MAPK10: variants seen among roughly 807,000 people sequenced by gnomAD.
The protein encoded by MAPK10 is JNK3 alpha protein kinase.
MAPK10 carries 25 observed loss-of-function variants against 59.3 expected under a neutral mutation model. The ratio of observed to expected loss-of-function variants is 0.42; its 90% CI spans 0.31 to 0.59. The LOEUF (loss-of-function observed/expected upper bound fraction) is 0.59. MAPK10 is among the 20% of genes least tolerant of loss of function. The pLI, the probability that MAPK10 is intolerant of heterozygous loss-of-function variation, is 0.15. For missense variants in MAPK10, 351 were observed against 568.9 expected (o/e 0.62, Z 3.90); for synonymous variants, 190 against 200.5 (o/e 0.95, Z 0.44).
chr4:86,413,939 T>A (rs1426941136), intron 1 of MAPK10, among the ~76,000 whole-genome samples: 2 of 152,152 alleles, frequency 1.3e-5, no homozygotes, highest in African/African-American at 4.8e-5. Flanking sequence ...GTCCAACCAG[T>A]CCCAGTGAGA....
intron 1 of MAPK10, among the ~76,000 whole-genome samples, chr4:86,478,994 G>A (rs1753352467): frequency 2.6e-5 from 4 of 152,104 alleles, no homozygotes; most frequent in Admixed American, 2.6e-4. Flanking sequence ...TCAGGGATTT[G>A]CCCCTGCCCA....
At chr4:86,474,964 T>C (rs946548486) in intron 1 of MAPK10, among the ~76,000 whole-genome samples, 1 of 152,182 alleles carries the variant, frequency 6.6e-6, no homozygotes. Context: ...GACATTACCT[T>C]GTGAAATTCC....
At chr4:86,162,902 C>G (rs1365287285) in intron 3 of MAPK10, among the ~76,000 whole-genome samples, 1 of 152,074 alleles carries the variant, frequency 6.6e-6, no homozygotes, top group East Asian at 1.9e-4. Context: ...AGAAACAGGG[C>G]TTGATAAAAT....
intron 3 of MAPK10, among the ~76,000 whole-genome samples, chr4:86,164,264 A>G (rs1400001361): frequency 6.6e-6 from 1 of 152,168 alleles, no homozygotes; most frequent in Admixed American, 6.6e-5. Flanking sequence ...GGTAAAAGAT[A>G]GAGAAACAAT....
chr4:86,064,341 T>G lies in MAPK10; in HGVS notation c.1035A>C (p.Ala345=). ...AGGCGTCGTCCACTGATATTCTTTT[T>G]GCTGGGTCAATCACTAGCATCTTTG... is the stretch of plus-strand genomic sequence containing the variant. ...LLSKMLVIDP[A]KRISVDDALQ... is the part of the protein sequence containing the mutation. The change falls in exon 11 of 14, where the codon GCA becomes GCC. Residue 345 remains alanine, a synonymous_variant. Coordinates refer to ENST00000641462, the MANE Select transcript of MAPK10 (RefSeq NM_138982.4). The G allele has an allele frequency of 6.2e-7, 1 of 1,614,196 alleles. No individual in the cohort carries two copies.
chr4:86,135,052 C>CTGAT (rs1420644153), intron 4 of MAPK10, among the ~76,000 whole-genome samples: 7 of 152,190 alleles, frequency 4.6e-5, no homozygotes, highest in African/African-American at 1.7e-4. Flanking sequence ...AGGAGTCTTG[C>CTGAT]TGATTCCTAG....
At chr4:86,472,395 C>G (rs1424256494) in intron 1 of MAPK10, among the ~76,000 whole-genome samples, 3 of 151,946 alleles carry the variant, frequency 2.0e-5, no homozygotes, top group African/African-American at 7.3e-5. Flanking sequence ...TGGATTCACA[C>G]AATAAGGTTT....
chr4:86,028,567 C>T (rs1270446336), intron 13 of MAPK10: 1 of 152,104 alleles, frequency 6.6e-6, no homozygotes, highest in Admixed American at 6.6e-5. Flanking sequence ...AATAAACCAT[C>T]ACATTTTCTA....
intron 1 of MAPK10, among the ~76,000 whole-genome samples, chr4:86,372,556 G>GGA (rs1429830600): frequency 7.2e-4 from 8 of 11,182 alleles, no homozygotes; most frequent in Non-Finnish European, 1.3e-3. Flanking sequence ...AAGAAAGAAA[G>GGA]AAAGAAAGAA....
chr4:86,342,677 G>T (rs981805319), intron 2 of MAPK10, among the ~76,000 whole-genome samples: 1 of 152,190 alleles, frequency 6.6e-6, no homozygotes, highest in African/African-American at 2.4e-5. Flanking sequence ...AGCCTAGAAT[G>T]AAATCATAAA....
At chr4:86,155,010 A>G (rs1248602647) in intron 4 of MAPK10, among the ~76,000 whole-genome samples, 1 of 152,120 alleles carries the variant, frequency 6.6e-6, no homozygotes, top group Non-Finnish European at 1.5e-5. Context: ...CCCTTTAGGG[A>G]AGATGTTCCC....
Position 86,322,433 on chromosome 4 carries a change from A to T in MAPK10, c.-7+32097T>A, listed in dbSNP as rs538449077. ...AGGAGATGTGCAGTTACGAACGTCT[A>T]ACATAAATTAATTGGTGAGGAGGAA... On this transcript the variant is annotated intron_variant, in intron 2 of 13. Coordinates refer to ENST00000641462, the MANE Select transcript of MAPK10 (RefSeq NM_138982.4). Among the ~76,000 whole-genome samples the T allele has an allele frequency of 5.9e-4, 90 of 152,338 alleles. 3 individuals are homozygous for T. In the South Asian group the frequency reaches 0.018, roughly 31 times the overall value.
At chr4:86,110,422 C>A (rs2057294554) in intron 4 of MAPK10, among the ~76,000 whole-genome samples, 1 of 152,042 alleles carries the variant, frequency 6.6e-6, no homozygotes, top group Admixed American at 6.6e-5. Context: ...AGGAAGAGGT[C>A]CAGTTTCAAT....
chr4:86,558,084 A>G (rs912969528), intron 1 of MAPK10, among the ~76,000 whole-genome samples: 1 of 152,132 alleles, frequency 6.6e-6, no homozygotes, highest in Admixed American at 6.5e-5. Context: ...TACAGAGGTG[A>G]AACAAAAAGT....
chr4:86,556,253 A>C (rs1330053540), intron 1 of MAPK10, among the ~76,000 whole-genome samples: 1 of 152,218 alleles, frequency 6.6e-6, no homozygotes, highest in East Asian at 1.9e-4. Context: ...TGAGTTATCT[A>C]TATCAGGTAC....
chr4:86,494,443 A>T (rs1252806310), intron 1 of MAPK10, among the ~76,000 whole-genome samples: 1 of 152,204 alleles, frequency 6.6e-6, no homozygotes, highest in Non-Finnish European at 1.5e-5. Context: ...AGAAGGGAAA[A>T]GAGCTGGAGG....
chr4:86,550,627 TGGGA>T, intron 1 of MAPK10, among the ~76,000 whole-genome samples: 1 of 152,210 alleles, frequency 6.6e-6, no homozygotes, highest in South Asian at 2.1e-4. Flanking sequence ...CACTTGAACC[TGGGA>T]GGCAGAGGTT....
chr4:86,241,711 C>T (rs1356329596), intron 2 of MAPK10, among the ~76,000 whole-genome samples: 1 of 152,148 alleles, frequency 6.6e-6, no homozygotes, highest in Non-Finnish European at 1.5e-5. Context: ...ACTGGTTATT[C>T]TAATTAGCAA....
intron 1 of MAPK10, among the ~76,000 whole-genome samples, chr4:86,587,523 C>T (rs2149115512): frequency 6.6e-6 from 1 of 152,278 alleles, no homozygotes. Flanking sequence ...ATTATCTGCT[C>T]ATGTTTTAGT....
Sources: gnomAD v4.1 joint callset for allele counts (sites outside exome capture counted in the v4.1 genomes callset) on GRCh38, gnomAD v4.1.1 for gene constraint, MANE v1.5 for transcripts, NCBI Gene and HGNC (gene_info 2026-07-23, HGNC 2026-07-21) for gene names.